OSBPL9: variants seen among roughly 807,000 people sequenced by gnomAD.
OSBPL9 encodes oxysterol binding protein like 9.
A neutral mutation model predicts 106.6 loss-of-function variants in OSBPL9; 40 were observed. That is an observed-to-expected ratio of 0.38 (90% CI 0.29 to 0.49). The LOEUF (loss-of-function observed/expected upper bound fraction) is 0.49, where lower values mean the gene tolerates loss of function less well. Among genes scored for constraint, OSBPL9 ranks in the 20% least tolerant of loss-of-function variants. OSBPL9 has a pLI of 0.97. For synonymous variants in OSBPL9, 269 were observed against 295.4 expected (o/e 0.91, Z 0.92); for missense variants, 609 against 887.2 (o/e 0.69, Z 3.98).
At position 51,772,072 on chromosome 1, in the gene OSBPL9, C is replaced by A. The variant is rs563621715; in HGVS notation, c.941C>A (p.Ser314Tyr). The A allele has an allele frequency of 1.2e-6, 2 of 1,608,688 alleles. No homozygotes were observed. Among genetic ancestry groups the A allele is most frequent in the Non-Finnish European group, 1.7e-6 (2 of 1,177,358 alleles). The change falls in exon 13 of 24, where the codon TCT becomes TAT. Residue 314 changes from serine to tyrosine, a missense_variant and splice_region_variant. Ser to Tyr is a moderately radical substitution (Grantham distance 144, BLOSUM62 -2). Coordinates refer to ENST00000428468, the MANE Select transcript of OSBPL9 (RefSeq NM_024586.6). ...TAAGGTAATTAATGTTTTTATAGTT[C>A]TTCTGGATCTGCCTCAGTCCTGACA... ...SGSSPKRLID[S>Y]SGSASVLTHS...
chr1:51,697,795 C>T (rs566575180), intron 3 of OSBPL9, among the ~76,000 whole-genome samples: 28 of 148,886 alleles, frequency 1.9e-4, no homozygotes, highest in Non-Finnish European at 3.3e-4. Context: ...AAAATGTATT[C>T]TACATACTAG....
chr1:51,531,909 C>A, the OSBPL9 span, among the ~76,000 whole-genome samples: 1 of 152,144 alleles, frequency 6.6e-6, no homozygotes, highest in Non-Finnish European at 1.5e-5. Flanking sequence ...AAAGAAAGAG[C>A]AGCTGAGCTT....
chr1:51,703,553 G>A (rs1278083549), intron 3 of OSBPL9, among the ~76,000 whole-genome samples: 1 of 152,124 alleles, frequency 6.6e-6, no homozygotes, highest in Non-Finnish European at 1.5e-5. Context: ...CTGAGACAAT[G>A]GGGTCTTCTA....
chr1:51,587,948 T>C (rs1165345803), intron 1 of OSBPL9, among the ~76,000 whole-genome samples: 2 of 152,370 alleles, frequency 1.3e-5, no homozygotes, highest in East Asian at 1.9e-4. Context: ...CCTCCTTGGC[T>C]TCCCAACTGC....
chr1:51,652,107 A>T, intron 2 of OSBPL9, 66 bp downstream of exon 2: 1 of 1,245,792 alleles, frequency 8.0e-7, no homozygotes, highest in Non-Finnish European at 1.1e-6. Flanking sequence ...TGATAGAATT[A>T]TGGAAGTCTA....
chr1:51,572,810 A>G (rs904126720), upstream of OSBPL9, among the ~76,000 whole-genome samples: 5 of 152,344 alleles, frequency 3.3e-5, no homozygotes, highest in Admixed American at 6.5e-5. Context: ...GAATGGACAT[A>G]TTATATTTGT....
intron 4 of OSBPL9, among the ~76,000 whole-genome samples, chr1:51,732,831 A>T (rs1664759635): frequency 6.6e-6 from 1 of 152,192 alleles, no homozygotes; most frequent in Non-Finnish European, 1.5e-5. Context: ...GCTGCCCAGC[A>T]TGTCCTGGAG....
intron 2 of OSBPL9, among the ~76,000 whole-genome samples, chr1:51,667,745 A>G (rs973073732): frequency 6.6e-6 from 1 of 152,206 alleles, no homozygotes; most frequent in Non-Finnish European, 1.5e-5. Flanking sequence ...CTGTTTCTGC[A>G]CGTGCTTACC....
intron 3 of OSBPL9, among the ~76,000 whole-genome samples, chr1:51,690,757 G>C (rs1249961995): frequency 6.6e-6 from 1 of 152,128 alleles, no homozygotes; most frequent in African/African-American, 2.4e-5. Context: ...GAAGCAGGAG[G>C]GAGAAATAAA....
intron 9 of OSBPL9, chr1:51,760,468 C>G (rs1671247294): frequency 1.9e-6 from 1 of 527,794 alleles, no homozygotes; most frequent in Non-Finnish European, 3.0e-6. Flanking sequence ...TTAGCTTTAC[C>G]TTCTTCTGTG....
chr1:51,677,607 A>G (rs2148789353), intron 3 of OSBPL9, among the ~76,000 whole-genome samples: 1 of 151,512 alleles, frequency 6.6e-6, no homozygotes, highest in Non-Finnish European at 1.5e-5. Context: ...GCTGGAGTGC[A>G]GTGGCACAAC....
At chr1:51,768,796 G>T (rs776971343) in intron 12 of OSBPL9, among the ~76,000 whole-genome samples, 1 of 152,154 alleles carries the variant, frequency 6.6e-6, no homozygotes, top group Non-Finnish European at 1.5e-5. Context: ...TTCTATTCCT[G>T]CTGTTAAGGT....
chr1:51,542,480 C>T, the OSBPL9 span, among the ~76,000 whole-genome samples: 82 of 152,296 alleles, frequency 5.4e-4, 1 homozygote, highest in African/African-American at 1.8e-3. Context: ...ACCATTTGAA[C>T]GGCCAGTGAA....
chr1:51,782,898 A>G (rs1676727067), intron 17 of OSBPL9, among the ~76,000 whole-genome samples: 1 of 152,226 alleles, frequency 6.6e-6, no homozygotes, highest in African/African-American at 2.4e-5. Flanking sequence ...TTCCAGAGTC[A>G]TCTTATATAT....
intron 1 of OSBPL9, among the ~76,000 whole-genome samples, chr1:51,644,318 T>C (rs1188389273): frequency 6.6e-6 from 1 of 152,030 alleles, no homozygotes; most frequent in Admixed American, 6.6e-5. Context: ...GTTTTATACA[T>C]ATTGAGTTTT....
chr1:51,780,376 CA>C, intron 15 of OSBPL9, among the ~76,000 whole-genome samples: 1 of 152,198 alleles, frequency 6.6e-6, no homozygotes, highest in African/African-American at 2.4e-5. Flanking sequence ...GGTATTTACT[CA>C]GAGGAAAAGA....
chr1:51,617,873 G>A (rs1196140013), intron 1 of OSBPL9, among the ~76,000 whole-genome samples: 1 of 152,202 alleles, frequency 6.6e-6, no homozygotes, highest in Non-Finnish European at 1.5e-5. Context: ...TCTTGTCAGC[G>A]AAGAGAGACA....
At chr1:51,761,496 G>T (rs1377696356) in intron 10 of OSBPL9, among the ~76,000 whole-genome samples, 2 of 152,186 alleles carry the variant, frequency 1.3e-5, no homozygotes, top group East Asian at 3.9e-4. Context: ...AAGTGAATTA[G>T]CTTAAACTAC....
chr1:51,531,050 G>GTGAT, the OSBPL9 span, among the ~76,000 whole-genome samples: 1 of 152,088 alleles, frequency 6.6e-6, no homozygotes, highest in African/African-American at 2.4e-5. Flanking sequence ...GAGACAGGCA[G>GTGAT]ATCACCTGAG....
Sources: gnomAD v4.1 joint callset for allele counts (sites outside exome capture counted in the v4.1 genomes callset) on GRCh38, gnomAD v4.1.1 for gene constraint, MANE v1.5 for transcripts, NCBI Gene and HGNC (gene_info 2026-07-23, HGNC 2026-07-21) for gene names.